LCOR: variants seen among roughly 807,000 people sequenced by gnomAD.
LCOR encodes ligand-dependent corepressor.
A neutral mutation model predicts 64.4 loss-of-function variants in LCOR; 14 were observed. That is an observed-to-expected ratio of 0.22 (90% CI 0.14 to 0.34). LCOR has a LOEUF of 0.34. LCOR is among the 10% of genes least tolerant of loss of function. The pLI, the probability that LCOR is intolerant of heterozygous loss-of-function variation, is 1.00. For synonymous variants in LCOR, 643 were observed against 642.5 expected, an observed-to-expected ratio of 1.00 and a Z score of -0.01; for missense variants, 1,686 against 1,765.3, an observed-to-expected ratio of 0.96 and a Z score of 0.80.
intron 4 of LCOR, among the ~76,000 whole-genome samples, chr10:96,908,723 C>CT (rs35691585): frequency 0.54 from 79,822 of 148,158 alleles, 26,480 homozygotes; most frequent in Non-Finnish European, 0.74. Context: ...CGTATACACT[C>CT]TTTTTTTTTT....
At chr10:96,882,913 GTTCAT>G (rs1202100454) in intron 2 of LCOR, among the ~76,000 whole-genome samples, 2 of 152,072 alleles carry the variant, frequency 1.3e-5, no homozygotes, top group Non-Finnish European at 2.9e-5. Context: ...TGGCTTGATA[GTTCAT>G]TTCTTTTTAG....
intron 5 of LCOR, among the ~76,000 whole-genome samples, chr10:96,944,896 T>C (rs1489352527): frequency 6.6e-6 from 1 of 152,108 alleles, no homozygotes; most frequent in Non-Finnish European, 1.5e-5. Flanking sequence ...GTCTTGAGGC[T>C]TATCAATCCT....
intron 4 of LCOR, among the ~76,000 whole-genome samples, chr10:96,912,532 C>T (rs1204746213): frequency 1.3e-5 from 2 of 152,122 alleles, no homozygotes; most frequent in African/African-American, 2.4e-5. Flanking sequence ...TCAGAAAGCA[C>T]GTGGTGATGT....
chr10:96,955,248 A>G (rs1847749655), intron 7 of LCOR: 1 of 1,614,064 alleles, frequency 6.2e-7, no homozygotes, highest in Non-Finnish European at 8.5e-7. Flanking sequence ...TATGAAGTTC[A>G]GGGGAAATGG....
intron 2 of LCOR, among the ~76,000 whole-genome samples, chr10:96,866,761 A>C (rs912894344): frequency 1.3e-5 from 2 of 151,994 alleles, no homozygotes; most frequent in African/African-American, 4.8e-5. Flanking sequence ...TTTTTAGTAG[A>C]GACGGGGTTT....
chr10:96,924,752 C>G (rs1428312124), intron 4 of LCOR, among the ~76,000 whole-genome samples: 1 of 152,112 alleles, frequency 6.6e-6, no homozygotes, highest in Non-Finnish European at 1.5e-5. Context: ...TTGTGGACAT[C>G]ACACCCCTCA....
intron 2 of LCOR, among the ~76,000 whole-genome samples, chr10:96,889,297 A>G (rs547317171): frequency 1.2e-4 from 18 of 152,328 alleles, no homozygotes; most frequent in Admixed American, 9.2e-4. Flanking sequence ...TCCATGTTGT[A>G]CGTATCAGTA....
intron 2 of LCOR, among the ~76,000 whole-genome samples, chr10:96,838,685 C>T (rs750004121): frequency 1.3e-5 from 2 of 152,200 alleles, no homozygotes; most frequent in Non-Finnish European, 2.9e-5. Flanking sequence ...CTAAATAACA[C>T]TGCATTGTGT....
At chr10:96,928,831 T>C (rs1322065976) in intron 4 of LCOR, among the ~76,000 whole-genome samples, 1 of 152,188 alleles carries the variant, frequency 6.6e-6, no homozygotes, top group African/African-American at 2.4e-5. Flanking sequence ...GGCTGCAGAA[T>C]GGGTATTGTG....
intron 5 of LCOR, among the ~76,000 whole-genome samples, chr10:96,946,408 AT>A (rs1006117937): frequency 5.3e-5 from 8 of 152,098 alleles, no homozygotes; most frequent in African/African-American, 1.7e-4. Context: ...GGAATCCATA[AT>A]TTCACTTCAA....
intron 2 of LCOR, among the ~76,000 whole-genome samples, chr10:96,852,454 T>C (rs1286077976): frequency 6.6e-6 from 1 of 152,142 alleles, no homozygotes; most frequent in Non-Finnish European, 1.5e-5. Context: ...AAATTATCTT[T>C]AGGCTATGTG....
intron 4 of LCOR, among the ~76,000 whole-genome samples, chr10:96,927,022 TG>T (rs1336766235): frequency 6.6e-6 from 1 of 152,272 alleles, no homozygotes; most frequent in African/African-American, 2.4e-5. Flanking sequence ...TTGATTTCTT[TG>T]GGATCAATAC....
intron 5 of LCOR, among the ~76,000 whole-genome samples, chr10:96,948,036 A>G (rs1272222913): frequency 2.0e-5 from 3 of 152,170 alleles, no homozygotes; most frequent in Non-Finnish European, 4.4e-5. Flanking sequence ...CTGATTGACT[A>G]TTATAGTGTG....
rs139610271 is a variant in LCOR at position 96,872,046 on chromosome 10, C to T, written c.-329-35219C>T. ...TCCATGCCACATAGAAGCAGTTCTT[C>T]TGACCAGAAACACCTGAGATGAGTA... On this transcript the variant is annotated intron_variant, in intron 2 of 7. Transcript: ENST00000421806. Among the ~76,000 whole-genome samples the T allele has an allele frequency of 3.1e-3, 468 of 152,328 alleles. 2 individuals carry two copies. Among genetic ancestry groups the T allele is most frequent in the South Asian group, 0.011 (53 of 4,822 alleles).
At chr10:96,873,140 G>A (rs1174612880) in intron 2 of LCOR, among the ~76,000 whole-genome samples, 1 of 152,146 alleles carries the variant, frequency 6.6e-6, no homozygotes, top group African/African-American at 2.4e-5. Context: ...TATGCTGCTT[G>A]TATTTTTAAA....
chr10:96,833,349 C>A (rs941752154), intron 1 of LCOR, 57 bp from the exon 2 acceptor site: 1 of 973,368 alleles, frequency 1.0e-6, no homozygotes, highest in Non-Finnish European at 1.2e-6. Context: ...CGGGAGGGGC[C>A]GGGCGGCCGA....
At chr10:96,964,720 T>TA (rs1413023957) in intron 7 of LCOR, among the ~76,000 whole-genome samples, 1 of 152,186 alleles carries the variant, frequency 6.6e-6, no homozygotes, top group Non-Finnish European at 1.5e-5. Context: ...TTATTCATTT[T>TA]AAAAAATGTA....
rs1381247717 is a variant in LCOR, at chr10:96,987,083, G to A, written c.*1949G>A. ...TATCTGATGAGTCTTTTTCTTTTTAGTATCTTTGACTTTGGCCATTCAAGA... is the reference window on the plus strand; with the variant it reads ...TATCTGATGAGTCTTTTTCTTTTTAATATCTTTGACTTTGGCCATTCAAGA... On this transcript the variant is annotated 3_prime_UTR_variant, in exon 8 of 8. Coordinates refer to ENST00000421806, the MANE Select transcript of LCOR (RefSeq NM_001346516.2). The A allele has an allele frequency of 6.6e-6, 1 of 151,882 alleles. No individual in the cohort carries two copies. The highest frequency in any genetic ancestry group is 6.6e-5 in the Admixed American group (1 of 15,240). The allele number at this position is 151,882 out of a possible 1,614,324, so 9.4% of individuals were successfully genotyped here. A position where few individuals can be genotyped will look rare whatever the true frequency, so the allele number is the denominator to read the frequency against.
chr10:96,898,007 T>C (rs1846571124), intron 2 of LCOR, among the ~76,000 whole-genome samples: 1 of 152,088 alleles, frequency 6.6e-6, no homozygotes, highest in Admixed American at 6.6e-5. Flanking sequence ...TATAATGATG[T>C]AGGAATTAAA....
Sources: allele counts gnomAD v4.1 joint callset (sites outside exome capture counted in the v4.1 genomes callset), GRCh38; gene constraint gnomAD v4.1.1; transcripts MANE v1.5; gene names NCBI Gene and HGNC (gene_info 2026-07-23, HGNC 2026-07-21).